The following EVC2 variants were observed in gnomAD, a reference collection of about 807,000 sequenced individuals.
EVC2 encodes the protein limbin.
A neutral mutation model predicts 149.3 loss-of-function variants in EVC2; 148 were observed. That is an observed-to-expected ratio of 0.99 (90% CI 0.87 to 1.14). EVC2 has a LOEUF of 1.14. EVC2 is among the 50% of genes most tolerant of loss of function. The pLI is 0.00. For synonymous variants in EVC2, 776 were observed against 649.9 expected (o/e 1.19, Z -2.95); for missense variants, 1,854 against 1,627.3 (o/e 1.14, Z -2.40).
At chr4:5,666,048 G>A (rs1719259678) in intron 7 of EVC2, among the ~76,000 whole-genome samples, 1 of 152,034 alleles carries the variant, frequency 6.6e-6, no homozygotes, top group African/African-American at 2.4e-5. Context: ...AGAACCCATG[G>A]CACCCTCACC....
At chr4:5,579,889 T>A (rs1164472508) in intron 17 of EVC2, among the ~76,000 whole-genome samples, 3 of 152,086 alleles carry the variant, frequency 2.0e-5, no homozygotes, top group African/African-American at 7.2e-5. Flanking sequence ...CTTGGGAAAG[T>A]AAACACACAG....
Position 5,562,823 on chromosome 4 carries a change from T to G in EVC2, c.*25A>C, listed in dbSNP as rs1371753220. 6.2e-7 allele frequency: 1 copy of G among 1,612,952 alleles called. No homozygotes were observed. The highest frequency in any genetic ancestry group is 2.2e-5 in the East Asian group (1 of 44,888). On this transcript the variant is annotated 3_prime_UTR_variant, in exon 22 of 22. Coordinates refer to ENST00000344408, the MANE Select transcript of EVC2 (RefSeq NM_147127.5). This position sits in a 1 kb window ranked among gnomAD's most constrained non-coding sequence, Gnocchi z 4.3. ...GAAAATCATCCCTTCTCTCTTCAGA[T>G]GCTCCCGCAGGTCTTTCCCTTGGGC...
chr4:5,595,157 C>G (rs541692689), intron 16 of EVC2, among the ~76,000 whole-genome samples: 1 of 152,240 alleles, frequency 6.6e-6, no homozygotes, highest in African/African-American at 2.4e-5. Flanking sequence ...GGATATTATC[C>G]AGGAGAACTT....
chr4:5,555,088 A>G lies in EVC2; in HGVS notation c.3419+10170T>C, dbSNP rs145363128. On this transcript the variant is annotated intron_variant and NMD_transcript_variant, in intron 21 of 22. Transcript: ENST00000475313. ...TAAGGAGAGTTGGGTCATCATCTCC[A>G]TAGTAGAAGGTCAATATATAAAAGG... is the stretch of plus-strand genomic sequence containing the variant. Among the ~76,000 whole-genome samples the G allele has an allele frequency of 3.6e-4, 55 of 151,874 alleles. No individual in the cohort carries two copies. The East Asian group carries it at 0.01, about 29-fold the overall frequency.
chr4:5,610,559 G>A (rs1714732378), intron 16 of EVC2, among the ~76,000 whole-genome samples: 1 of 152,112 alleles, frequency 6.6e-6, no homozygotes, highest in South Asian at 2.1e-4. Context: ...CTGGGAGGTA[G>A]GACAAAGGTC....
intron 7 of EVC2, among the ~76,000 whole-genome samples, chr4:5,680,760 A>C (rs1720285313): frequency 6.6e-6 from 1 of 152,238 alleles, no homozygotes; most frequent in African/African-American, 2.4e-5. Flanking sequence ...CAGTTTTAAG[A>C]AACGTGAAGT....
intron 16 of EVC2, among the ~76,000 whole-genome samples, chr4:5,601,504 A>G (rs1294768326): frequency 6.9e-6 from 1 of 144,316 alleles, no homozygotes; most frequent in Admixed American, 6.6e-5. Context: ...GCAAAAAGAC[A>G]AATAGTAAAA....
chr4:5,694,536 C>G, intron 2 of EVC2, 35 bp from the exon 3 acceptor site: 1 of 1,613,304 alleles, frequency 6.2e-7, no homozygotes, highest in South Asian at 1.1e-5. Context: ...TTATATAATG[C>G]GGAAAGACAG....
chr4:5,620,203 C>G (rs1392404573), intron 14 of EVC2, among the ~76,000 whole-genome samples: 1 of 152,184 alleles, frequency 6.6e-6, no homozygotes, highest in Non-Finnish European at 1.5e-5. Flanking sequence ...CCCCTTGCAC[C>G]TTCCCTTGTG....
intron 16 of EVC2, among the ~76,000 whole-genome samples, chr4:5,597,586 C>T (rs1163751553): frequency 1.3e-5 from 2 of 151,266 alleles, no homozygotes; most frequent in Non-Finnish European, 2.9e-5. Context: ...TAAGAGCTAT[C>T]TATGACAAAC....
chr4:5,704,277 T>A (rs1722002368), intron 1 of EVC2, among the ~76,000 whole-genome samples: 1 of 152,036 alleles, frequency 6.6e-6, no homozygotes, highest in Non-Finnish European at 1.5e-5. Context: ...TGATTGTGGG[T>A]GTGTTTTGAA....
At chr4:5,675,298 T>C (rs1719916571) in intron 7 of EVC2, among the ~76,000 whole-genome samples, 1 of 152,260 alleles carries the variant, frequency 6.6e-6, no homozygotes. Flanking sequence ...ATTTACTTTT[T>C]ACTAATTGCT....
At position 5,663,936 on chromosome 4, in the gene EVC2, GA is replaced by G. The variant is rs542727943; in HGVS notation, c.1006-691del. Among the ~76,000 whole-genome samples the G allele has an allele frequency of 3.1e-4, 47 of 152,146 alleles. No individual in the cohort carries two copies. In the South Asian group the frequency reaches 7.3e-3, roughly 24 times the overall value. ...ACTCTGTCTCAAAAAAATAAAGAAA[GA>G]AAGAAAGAATATAGGATTGTGAGCT... On this transcript the variant is annotated intron_variant, in intron 8 of 21. Transcript: ENST00000344408.
chr4:5,632,269 G>A (rs560786939), intron 10 of EVC2, among the ~76,000 whole-genome samples: 7 of 152,246 alleles, frequency 4.6e-5, no homozygotes, highest in South Asian at 4.2e-4. Flanking sequence ...ATATGTACAC[G>A]CACACATGGG....
At chr4:5,675,374 G>A (rs13146518) in intron 7 of EVC2, among the ~76,000 whole-genome samples, 55,895 of 151,944 alleles carry the variant, frequency 0.37, 10,784 homozygotes, top group African/African-American at 0.49. Flanking sequence ...CCAGTCAGTT[G>A]TTACCAAATT....
chr4:5,535,601 AAGAGAGAGAGAGAG>A, the EVC2 span, among the ~76,000 whole-genome samples: 3 of 118,210 alleles, frequency 2.5e-5, no homozygotes, highest in African/African-American at 3.4e-5. This position sits in a 1 kb window ranked among gnomAD's most constrained non-coding sequence, Gnocchi z 4.7. Context: ...CATGCTTAGA[AAGAGAGAGAGAGAG>A]AGAGAGAGAG....
At chr4:5,708,632 T>C (rs1344507655), upstream of EVC2, 3 of 677,654 alleles carry the variant, frequency 4.4e-6, no homozygotes, top group African/African-American at 1.9e-5. Flanking sequence ...GAAAGTTTTC[T>C]GGAACAAACA....
At chr4:5,591,666 C>G in intron 16 of EVC2, among the ~76,000 whole-genome samples, 1 of 151,992 alleles carries the variant, frequency 6.6e-6, no homozygotes, top group East Asian at 1.9e-4. Flanking sequence ...AAAAAAAAAC[C>G]TTCTCCAAAA....
chr4:5,689,352 G>T lies in EVC2; in HGVS notation c.520-9C>A, dbSNP rs755654291. 3 of 1,613,778 alleles carry T rather than the reference G, an allele frequency of 1.9e-6. No homozygotes were observed. The African/African-American group carries it at 4.0e-5, about 22-fold the overall frequency. On this transcript the variant is annotated splice_polypyrimidine_tract_variant and intron_variant, in intron 4 of 21. Transcript: ENST00000344408. ...TCACTCGACCCAGACACCTAGGGCA[G>T]AAGGAGAAGGCATGAGGGCAGATTT...
Sources: gnomAD v4.1 joint callset for allele counts (sites outside exome capture counted in the v4.1 genomes callset) on GRCh38, gnomAD v4.1.1 for gene constraint, Gnocchi (gnomAD v3.1) non-coding constraint, MANE v1.5 for transcripts, NCBI Gene and HGNC (gene_info 2026-07-23, HGNC 2026-07-21) for gene names.